BCL11A: variants seen among roughly 807,000 people sequenced by gnomAD.
BCL11A encodes the protein B cell CLL/lymphoma 11A.
Under a neutral mutation model 55.9 loss-of-function variants are expected in BCL11A, and 2 were observed. That is an observed-to-expected ratio of 0.04 (90% CI 0.01 to 0.11). The LOEUF is 0.11. BCL11A is among the 10% of genes least tolerant of loss of function. The probability of loss-of-function intolerance (pLI) is 1.00; values close to 1 mark genes in which losing one functional copy is unlikely to be tolerated. For missense variants in BCL11A, 817 were observed against 1,137.1 expected (o/e 0.72, Z 4.05); for synonymous variants, 465 against 473.4 (o/e 0.98, Z 0.23).
At chr2:60,495,380 T>G (rs1464024175) in intron 2 of BCL11A, among the ~76,000 whole-genome samples, 1 of 152,216 alleles carries the variant, frequency 6.6e-6, no homozygotes. Context: ...ATTACCTGTA[T>G]GGACTTTGCA....
chr2:60,484,866 G>A (rs1275401727), intron 2 of BCL11A, among the ~76,000 whole-genome samples: 1 of 151,628 alleles, frequency 6.6e-6, no homozygotes, highest in East Asian at 1.9e-4. Flanking sequence ...GATGGGAGAA[G>A]GGGTGTGTGT....
chr2:60,479,873 A>C (rs1677855861), intron 2 of BCL11A, among the ~76,000 whole-genome samples: 1 of 152,238 alleles, frequency 6.6e-6, no homozygotes, highest in Non-Finnish European at 1.5e-5. Flanking sequence ...CAAAATCTGA[A>C]AATGAAACGC....
chr2:60,502,174 T>C (rs1213173920), intron 2 of BCL11A, among the ~76,000 whole-genome samples: 1 of 152,200 alleles, frequency 6.6e-6, no homozygotes, highest in Non-Finnish European at 1.5e-5. Flanking sequence ...TTTGTATAGA[T>C]ACTTATCAAA....
chr2:60,552,965 A>C (rs1434057515), intron 1 of BCL11A, among the ~76,000 whole-genome samples: 3 of 151,828 alleles, frequency 2.0e-5, no homozygotes, highest in Admixed American at 2.0e-4. Context: ...AAAGAGGAGG[A>C]GTCAAATTTT....
At position 60,484,703 on chromosome 2, in the gene BCL11A, G is replaced by A. The variant is rs1169925712; in HGVS notation, c.386-15870C>T. Among the ~76,000 whole-genome samples, 3 of 152,006 alleles carry A rather than the reference G, an allele frequency of 2.0e-5. No homozygotes were observed. The East Asian group carries it at 5.8e-4, about 29-fold the overall frequency. On this transcript the variant is annotated intron_variant, in intron 2 of 3. Coordinates refer to ENST00000642384, the MANE Select transcript of BCL11A (RefSeq NM_022893.4). ...AATTTGGAGGGGGGCAAAAAAAGAA[G>A]GAGAAAGAGAGGAAAGGTTAACCAC... is the stretch of plus-strand genomic sequence containing the variant.
At chr2:60,486,830 G>A (rs1678306348) in intron 2 of BCL11A, among the ~76,000 whole-genome samples, 1 of 152,132 alleles carries the variant, frequency 6.6e-6, no homozygotes, top group Non-Finnish European at 1.5e-5. Flanking sequence ...CAACACCCTG[G>A]GAAGACTACT....
chr2:60,456,506 C>T (rs1359028152), downstream of BCL11A, among the ~76,000 whole-genome samples: 1 of 152,182 alleles, frequency 6.6e-6, no homozygotes, highest in African/African-American at 2.4e-5. Flanking sequence ...GATCTCAGAA[C>T]CACAAGGCAA....
chr2:60,546,632 T>C lies in BCL11A; in HGVS notation c.56-332A>G, dbSNP rs1264624233. On this transcript the variant is annotated intron_variant, in intron 1 of 3. Coordinates refer to ENST00000642384, the MANE Select transcript of BCL11A (RefSeq NM_022893.4). The surrounding 1 kb of genome is among the most constrained non-coding windows in gnomAD (Gnocchi z 4.1). ...TTTGTAAGTTTAGAAAGAATGCTAC[T>C]TAAATAGTTAACACAGGGAACATAA... Among the ~76,000 whole-genome samples, 1 of 152,074 alleles carries C rather than the reference T, an allele frequency of 6.6e-6. No individual in the cohort carries two copies. The highest frequency in any genetic ancestry group is 1.5e-5 in the Non-Finnish European group (1 of 67,992).
chr2:60,454,647 T>C (rs1675864280), downstream of BCL11A, among the ~76,000 whole-genome samples: 1 of 152,142 alleles, frequency 6.6e-6, no homozygotes, highest in Non-Finnish European at 1.5e-5. Flanking sequence ...CCTCAGTCTC[T>C]GTGAGCAAAG....
At chr2:60,531,336 C>T (rs1170967442) in intron 2 of BCL11A, among the ~76,000 whole-genome samples, 4 of 152,132 alleles carry the variant, frequency 2.6e-5, no homozygotes, top group African/African-American at 9.7e-5. Flanking sequence ...GGGACTGCCC[C>T]CTCCTTTGCG....
chr2:60,452,351 T>G (rs1675757555), downstream of BCL11A: 1 of 480,606 alleles, frequency 2.1e-6, no homozygotes, highest in Non-Finnish European at 3.8e-6. Flanking sequence ...ACTGATTCAC[T>G]GTTCCAATGT....
At position 60,553,341 on chromosome 2, in the gene BCL11A, G is replaced by T; in HGVS notation, c.-71C>A. 6.8e-7 allele frequency: 1 copy of T among 1,471,092 alleles called. No individual in the cohort carries two copies. Among genetic ancestry groups the T allele is most frequent in the South Asian group, 1.2e-5 (1 of 80,142 alleles). 91.1% of individuals were successfully genotyped at this position (1,471,092 alleles called of 1,614,324 possible). On this transcript the variant is annotated 5_prime_UTR_variant, in exon 1 of 4. Coordinates refer to ENST00000642384, the MANE Select transcript of BCL11A (RefSeq NM_022893.4). ...GCGGACGACGGCTCGGTTCACATCG[G>T]GAGAGCCGGGTTAGAAAGAAGGAGA...
Position 60,553,306 on chromosome 2 carries a change from G to A in BCL11A, c.-36C>T. 1 of 1,527,772 alleles carries A rather than the reference G, an allele frequency of 6.5e-7. No individual in the cohort carries two copies. Among genetic ancestry groups the A allele is most frequent in the Non-Finnish European group, 8.7e-7 (1 of 1,145,212 alleles). The allele number at this position is 1,527,772 out of a possible 1,614,324, so 94.6% of individuals were successfully genotyped here. ...GGGGCGGGCGGCGGCGGCGGCGGCGGCGGCGGCGGGCGGACGACGGCTCGG... is the reference window on the plus strand; with the variant it reads ...GGGGCGGGCGGCGGCGGCGGCGGCGACGGCGGCGGGCGGACGACGGCTCGG... On this transcript the variant is annotated 5_prime_UTR_variant, in exon 1 of 4. Coordinates refer to ENST00000642384, the MANE Select transcript of BCL11A (RefSeq NM_022893.4).
downstream of BCL11A, among the ~76,000 whole-genome samples, chr2:60,454,359 T>TA (rs1283948476): frequency 6.6e-6 from 1 of 152,186 alleles, no homozygotes; most frequent in Non-Finnish European, 1.5e-5. Flanking sequence ...TTTTAAAAGT[T>TA]AGCAGTCTTT....
chr2:60,532,746 A>G (rs1669515137), intron 2 of BCL11A: 1 of 152,138 alleles, frequency 6.6e-6, no homozygotes, highest in Admixed American at 6.5e-5. Context: ...ACTTCGAAAA[A>G]CAGTACAATT....
intron 2 of BCL11A, among the ~76,000 whole-genome samples, chr2:60,477,498 G>A (rs1414900378): frequency 2.0e-5 from 3 of 152,176 alleles, no homozygotes; most frequent in Non-Finnish European, 2.9e-5. Context: ...AATGCCTAAT[G>A]TAGATGATGG....
At chr2:60,456,585 T>C (rs1400192801), downstream of BCL11A, among the ~76,000 whole-genome samples, 1 of 152,168 alleles carries the variant, frequency 6.6e-6, no homozygotes, top group African/African-American at 2.4e-5. Context: ...ACACCCCTAG[T>C]GGCTGCTTTC....
At chr2:60,541,419 T>C (rs964303268) in intron 2 of BCL11A, among the ~76,000 whole-genome samples, 1 of 152,230 alleles carries the variant, frequency 6.6e-6, no homozygotes, top group Non-Finnish European at 1.5e-5. Context: ...GTCCTGACAA[T>C]GCCAACAATT....
chr2:60,493,152 G>T (rs531398346), intron 2 of BCL11A, among the ~76,000 whole-genome samples: 2 of 150,314 alleles, frequency 1.3e-5, no homozygotes, highest in African/African-American at 2.5e-5. Context: ...ATGGTGTGGA[G>T]TGTGTTACTC....
Sources: allele counts gnomAD v4.1 joint callset (sites outside exome capture counted in the v4.1 genomes callset), GRCh38; gene constraint gnomAD v4.1.1; non-coding constraint Gnocchi (gnomAD v3.1); transcripts MANE v1.5; gene names NCBI Gene and HGNC (gene_info 2026-07-23, HGNC 2026-07-21).